The following ASTN2 variants were observed in gnomAD, a reference collection of about 807,000 sequenced individuals.
The protein encoded by ASTN2 is astrotactin-2.
ASTN2 carries 54 observed loss-of-function variants against 139.8 expected under a neutral mutation model. The ratio of observed to expected loss-of-function variants is 0.39; its 90% CI spans 0.31 to 0.48. ASTN2 has a LOEUF of 0.48. Among genes scored for constraint, ASTN2 ranks in the 20% least tolerant of loss-of-function variants. The pLI is 0.95. For synonymous variants in ASTN2, 756 were observed against 719.5 expected (o/e 1.05, Z -0.81); for missense variants, 1,565 against 1,725.1 (o/e 0.91, Z 1.64).
chr9:116,534,900 A>G (rs1359886422), intron 19 of ASTN2, among the ~76,000 whole-genome samples: 1 of 152,174 alleles, frequency 6.6e-6, no homozygotes, highest in African/African-American at 2.4e-5. Context: ...AACTGAGTTT[A>G]ATTCCTAGAT....
intron 16 of ASTN2, among the ~76,000 whole-genome samples, chr9:116,656,532 C>A (rs1858222627): frequency 6.6e-6 from 1 of 152,094 alleles, no homozygotes; most frequent in African/African-American, 2.4e-5. Flanking sequence ...ATTTCCCATC[C>A]CTCTGAACAA....
chr9:117,271,195 T>C (rs939067643), intron 2 of ASTN2, among the ~76,000 whole-genome samples: 2 of 152,054 alleles, frequency 1.3e-5, no homozygotes, highest in African/African-American at 2.4e-5. Context: ...CTCATAATCA[T>C]GATGGAGGGT....
chr9:117,345,820 CT>C (rs1410695284), intron 1 of ASTN2, among the ~76,000 whole-genome samples: 1 of 151,958 alleles, frequency 6.6e-6, no homozygotes, highest in Non-Finnish European at 1.5e-5. Flanking sequence ...TTTCTTTAAC[CT>C]TTTAACTTCT....
At chr9:116,983,809 C>T (rs1225167606) in intron 7 of ASTN2, among the ~76,000 whole-genome samples, 1 of 152,186 alleles carries the variant, frequency 6.6e-6, no homozygotes, top group Non-Finnish European at 1.5e-5. Context: ...TTAGAAAAAA[C>T]ATCTACAGGC....
chr9:116,476,222 T>C (rs1848976560), intron 20 of ASTN2, among the ~76,000 whole-genome samples: 1 of 152,230 alleles, frequency 6.6e-6, no homozygotes, highest in South Asian at 2.1e-4. Context: ...ATGCCTTCTT[T>C]GCTCTGTCTT....
intron 2 of ASTN2, among the ~76,000 whole-genome samples, chr9:117,241,592 T>C (rs1456330082): frequency 6.6e-6 from 1 of 152,168 alleles, no homozygotes; most frequent in East Asian, 1.9e-4. Flanking sequence ...CAGTTCACAA[T>C]AGGATTCGTG....
chr9:117,085,483 C>T (rs1321659072), intron 5 of ASTN2, among the ~76,000 whole-genome samples: 1 of 152,186 alleles, frequency 6.6e-6, no homozygotes, highest in East Asian at 1.9e-4. Context: ...AATAGGCTCT[C>T]GATAAACTGG....
At chr9:117,276,938 T>A (rs1407456134) in intron 2 of ASTN2, 1 of 152,194 alleles carries the variant, frequency 6.6e-6, no homozygotes, top group Non-Finnish European at 1.5e-5. Flanking sequence ...AAAATTAGCA[T>A]GTTAAGGCTG....
intron 12 of ASTN2, among the ~76,000 whole-genome samples, chr9:116,813,032 T>C (rs916849248): frequency 2.0e-5 from 3 of 152,178 alleles, no homozygotes; most frequent in African/African-American, 7.2e-5. Context: ...TTAAATTTTA[T>C]TTTTGTACTA....
chr9:116,708,442 C>T (rs2132091600), intron 16 of ASTN2, among the ~76,000 whole-genome samples: 1 of 152,338 alleles, frequency 6.6e-6, no homozygotes, highest in South Asian at 2.1e-4. Context: ...TCCTTTTACT[C>T]AGCTACTCAT....
intron 19 of ASTN2, among the ~76,000 whole-genome samples, chr9:116,491,903 C>T (rs1488400461): frequency 1.3e-5 from 2 of 152,170 alleles, no homozygotes; most frequent in East Asian, 1.9e-4. Flanking sequence ...AATCCTAGTA[C>T]TCCACTTACT....
At chr9:116,530,565 T>C (rs1329684657) in intron 19 of ASTN2, among the ~76,000 whole-genome samples, 1 of 152,126 alleles carries the variant, frequency 6.6e-6, no homozygotes, top group Non-Finnish European at 1.5e-5. Context: ...TTTATACATA[T>C]ATCAAATATC....
intron 1 of ASTN2, among the ~76,000 whole-genome samples, chr9:117,394,949 G>T (rs1190867876): frequency 6.6e-6 from 1 of 152,164 alleles, no homozygotes; most frequent in African/African-American, 2.4e-5. Context: ...AGTAGAAACT[G>T]CCAAGAGACT....
At position 117,202,380 on chromosome 9, in the gene ASTN2, T is replaced by C. The variant is rs763405395; in HGVS notation, c.1015+11978A>G. Among the ~76,000 whole-genome samples the C allele has an allele frequency of 2.4e-4, 37 of 152,202 alleles. 1 individual carries two copies. Among genetic ancestry groups the C allele is most frequent in the South Asian group, 4.1e-4 (2 of 4,828 alleles). The stretch of plus-strand genomic sequence containing the variant: ...GTTATGTGTGAATTTGATCCTGTCG[T>C]CATAATGCTATTTGGTTATTTTGCA... On this transcript the variant is annotated intron_variant, in intron 3 of 22. Transcript: ENST00000313400.
chr9:116,769,281 C>T (rs1184146346), intron 13 of ASTN2, among the ~76,000 whole-genome samples: 2 of 152,194 alleles, frequency 1.3e-5, no homozygotes, highest in African/African-American at 4.8e-5. Flanking sequence ...TGAATCACAT[C>T]TATTGGATAT....
At position 116,805,643 on chromosome 9, in the gene ASTN2, C is replaced by A. The variant is rs1184967287; in HGVS notation, c.2385G>T (p.Gln795His). ...TQHVNQGQVF[Q>H]MTFRENNFIK... Reference sequence around the variant, plus strand: ...TATCTACAGCATACCTAAAGGTCATCTGGAAGACTTGGCCTTGGTTCACAT... The same window carrying A: ...TATCTACAGCATACCTAAAGGTCATATGGAAGACTTGGCCTTGGTTCACAT... Residue 795 changes from glutamine (Q) to histidine (H), a missense_variant, in exon 13 of 23, where the codon CAG becomes CAT. Physicochemically the swap from Gln to His is conservative, Grantham distance 24. Around this residue, in one of 4 missense-constraint regions of ASTN2, gnomAD observed 503 missense variants for 591.7 expected, o/e 0.85. Transcript: ENST00000313400. The A allele has an allele frequency of 6.2e-7, 1 of 1,613,630 alleles. No homozygotes were observed. The highest frequency in any genetic ancestry group is 2.2e-5 in the East Asian group (1 of 44,888).
chr9:116,673,062 C>T (rs1859294099), intron 16 of ASTN2, among the ~76,000 whole-genome samples: 1 of 152,194 alleles, frequency 6.6e-6, no homozygotes, highest in Non-Finnish European at 1.5e-5. Context: ...GGGCATAGGC[C>T]AAGTAAATAA....
At chr9:116,711,601 C>T (rs1828165015) in intron 16 of ASTN2, among the ~76,000 whole-genome samples, 1 of 152,070 alleles carries the variant, frequency 6.6e-6, no homozygotes. Context: ...ATCTTAGACT[C>T]AGTATATTCA....
intron 16 of ASTN2, among the ~76,000 whole-genome samples, chr9:116,679,826 G>A (rs1238049756): frequency 2.0e-5 from 3 of 152,150 alleles, no homozygotes; most frequent in Non-Finnish European, 4.4e-5. Flanking sequence ...TGAAACCAAT[G>A]AGAACAAAGA....
Sources: gnomAD v4.1 joint callset for allele counts (sites outside exome capture counted in the v4.1 genomes callset) on GRCh38, gnomAD v4.1.1 for gene constraint, gnomAD v4.1.1 regional missense constraint, MANE v1.5 for transcripts, NCBI Gene and HGNC (gene_info 2026-07-23, HGNC 2026-07-21) for gene names.